The following ADGRL3 variants were observed in gnomAD, a reference collection of about 807,000 sequenced individuals.
The protein encoded by ADGRL3 is adhesion G protein-coupled receptor L3.
A neutral mutation model predicts 153.5 loss-of-function variants in ADGRL3; 62 were observed. That is an observed-to-expected ratio of 0.40 (90% CI 0.33 to 0.50). The LOEUF is 0.50. Ranked by LOEUF, ADGRL3 falls within the 20% of genes least tolerant of loss-of-function variation. The pLI is 0.47. For synonymous variants in ADGRL3, 710 were observed against 672.5 expected (o/e 1.06, Z -0.86); for missense variants, 1,641 against 1,859.4 (o/e 0.88, Z 2.16).
intron 1 of ADGRL3, among the ~76,000 whole-genome samples, chr4:61,315,081 T>C (rs1336830040): frequency 6.6e-6 from 1 of 152,168 alleles, no homozygotes; most frequent in African/African-American, 2.4e-5. Context: ...GGAAGGGACA[T>C]GTAAGCTGAG....
chr4:61,457,087 T>G (rs542560459), intron 2 of ADGRL3, among the ~76,000 whole-genome samples: 15 of 152,118 alleles, frequency 9.9e-5, no homozygotes, highest in African/African-American at 3.1e-4. Context: ...GCCTTTAAAT[T>G]TTTTTCAAAA....
At chr4:61,398,834 A>ATCTTAATTTTTATCTTCC (rs1332162374) in intron 2 of ADGRL3, among the ~76,000 whole-genome samples, 2 of 151,702 alleles carry the variant, frequency 1.3e-5, no homozygotes, top group Admixed American at 6.6e-5. Context: ...AAATAAAGGA[A>ATCTTAATTTTTATCTTCC]TCTTAATTTT....
chr4:61,887,564 G>A (rs954451065), intron 9 of ADGRL3, among the ~76,000 whole-genome samples: 2 of 151,910 alleles, frequency 1.3e-5, no homozygotes, highest in South Asian at 2.1e-4. Flanking sequence ...ATTGCAAAAC[G>A]GGCCAGGTGT....
intron 25 of ADGRL3, among the ~76,000 whole-genome samples, chr4:62,067,697 T>G (rs1033283337): frequency 1.3e-5 from 2 of 152,094 alleles, no homozygotes; most frequent in African/African-American, 2.4e-5. Flanking sequence ...CAATTCTGGT[T>G]TCTCTCTGTA....
chr4:62,010,396 G>GA (rs937088447), intron 21 of ADGRL3, among the ~76,000 whole-genome samples: 70 of 151,998 alleles, frequency 4.6e-4, no homozygotes, highest in Admixed American at 4.6e-3. Flanking sequence ...TCTGTGCCAG[G>GA]AATCAGGTAC....
chr4:62,012,007 A>G (rs957425602), intron 21 of ADGRL3, among the ~76,000 whole-genome samples: 3 of 152,068 alleles, frequency 2.0e-5, no homozygotes, highest in Non-Finnish European at 2.9e-5. Flanking sequence ...ATTTAGTACA[A>G]TGATTATATG....
chr4:61,788,278 C>T (rs770893303), intron 8 of ADGRL3, among the ~76,000 whole-genome samples: 50 of 152,150 alleles, frequency 3.3e-4, no homozygotes, highest in Middle Eastern at 3.2e-3. Flanking sequence ...ACCAGGGTCC[C>T]ACCTCAATCC....
In ADGRL3 at chr4:61,693,459, T is replaced by C. The variant is rs544529982; in HGVS notation, c.583+16524T>C. ...CATGCTAGATCCCTAAAATCAGTATTATTAAATCACCAAGAAGTTTTAAAG... is the reference window on the plus strand; with the variant it reads ...CATGCTAGATCCCTAAAATCAGTATCATTAAATCACCAAGAAGTTTTAAAG... On this transcript the variant is annotated intron_variant, in intron 6 of 26. Coordinates refer to ENST00000683033, the MANE Select transcript of ADGRL3 (RefSeq NM_001387552.1). Among the ~76,000 whole-genome samples, 311 of 152,216 alleles carry C rather than the reference T, an allele frequency of 2.0e-3. 1 individual carries two copies. Among genetic ancestry groups the C allele is most frequent in the Non-Finnish European group, 3.5e-3 (239 of 68,006 alleles).
chr4:61,249,132 T>C (rs1323084437), intron 1 of ADGRL3, among the ~76,000 whole-genome samples: 3 of 152,192 alleles, frequency 2.0e-5, no homozygotes, highest in African/African-American at 7.2e-5. Context: ...GGAAATGAAG[T>C]ACGGGTTTTT....
At chr4:61,874,465 A>T (rs1162884404) in intron 9 of ADGRL3, among the ~76,000 whole-genome samples, 2 of 152,292 alleles carry the variant, frequency 1.3e-5, no homozygotes, top group South Asian at 4.1e-4. Flanking sequence ...TCTATAAGAT[A>T]TAAGCAAGTA....
chr4:62,049,014 T>A (rs150344835), intron 25 of ADGRL3, among the ~76,000 whole-genome samples: 2 of 152,278 alleles, frequency 1.3e-5, no homozygotes, highest in African/African-American at 4.8e-5. Context: ...TTAGGCTTTA[T>A]CTTATTGTAA....
At chr4:61,646,846 CT>C (rs1270912659) in intron 5 of ADGRL3, among the ~76,000 whole-genome samples, 2 of 152,344 alleles carry the variant, frequency 1.3e-5, no homozygotes, top group South Asian at 4.1e-4. Flanking sequence ...CTAATCAAGC[CT>C]GGGCAATGGC....
Position 61,947,098 on chromosome 4 carries a change from G to T in ADGRL3, c.2604G>T (p.Val868=). The T allele has an allele frequency of 1.2e-6, 2 of 1,613,528 alleles. No homozygotes were observed. Among genetic ancestry groups the T allele is most frequent in the Non-Finnish European group, 1.7e-6 (2 of 1,179,668 alleles). The part of the protein sequence containing the change: ...FSNKVYLADP[V]VFTVKHIKQS... ...ACAAGGTTTATTTGGCTGATCCTGT[G>T]GTATTTACTGTTAAACATATCAAGG... Residue 868 remains valine (V), a synonymous_variant, in exon 16 of 27, where the codon GTG becomes GTT. Transcript: ENST00000683033.
chr4:61,652,200 A>G (rs1038873783), intron 5 of ADGRL3, among the ~76,000 whole-genome samples: 1 of 151,878 alleles, frequency 6.6e-6, no homozygotes, highest in African/African-American at 2.4e-5. Context: ...GAATATCAGG[A>G]GGTTTTTTTA....
At chr4:62,006,032 A>ATATATATATTTT (rs1203029363) in intron 21 of ADGRL3, among the ~76,000 whole-genome samples, 5 of 73,082 alleles carry the variant, frequency 6.8e-5, no homozygotes, top group African/African-American at 1.5e-4. Flanking sequence ...ATATATATAT[A>ATATATATATTTT]TTTTTTTTTT....
intron 9 of ADGRL3, among the ~76,000 whole-genome samples, chr4:61,879,059 A>C (rs535114552): frequency 1.3e-5 from 2 of 152,158 alleles, no homozygotes; most frequent in South Asian, 4.1e-4. Context: ...TTGAAATATC[A>C]TAGAGTAGGC....
At chr4:61,848,771 C>T (rs551787184) in intron 9 of ADGRL3, among the ~76,000 whole-genome samples, 1 of 152,198 alleles carries the variant, frequency 6.6e-6, no homozygotes, top group Non-Finnish European at 1.5e-5. Context: ...AATGATCAAA[C>T]TTTCTAAAGG....
intron 3 of ADGRL3, among the ~76,000 whole-genome samples, chr4:61,508,088 T>G (rs2098441764): frequency 6.6e-6 from 1 of 152,164 alleles, no homozygotes; most frequent in African/African-American, 2.4e-5. Flanking sequence ...GTACATAATA[T>G]GGATTTTATT....
At chr4:61,929,526 T>C (rs182875977) in intron 13 of ADGRL3, among the ~76,000 whole-genome samples, 1 of 152,274 alleles carries the variant, frequency 6.6e-6, no homozygotes, top group Non-Finnish European at 1.5e-5. Context: ...ACTTCAGAGA[T>C]TTTTATTTTA....
Sources: allele counts gnomAD v4.1 joint callset (sites outside exome capture counted in the v4.1 genomes callset), GRCh38; gene constraint gnomAD v4.1.1; transcripts MANE v1.5; gene names NCBI Gene and HGNC (gene_info 2026-07-23, HGNC 2026-07-21).